DDX5: variants seen among roughly 807,000 people sequenced by gnomAD.
DDX5 encodes the protein probable ATP-dependent RNA helicase DDX5.
Under a neutral mutation model 68.6 loss-of-function variants are expected in DDX5, and 6 were observed. That is an observed-to-expected ratio of 0.09 (90% CI 0.05 to 0.17). DDX5 has a LOEUF of 0.17. DDX5 is among the 10% of genes least tolerant of loss of function. DDX5 has a pLI of 1.00. For synonymous variants in DDX5, 350 were observed against 247.0 expected, an observed-to-expected ratio of 1.42 and a Z score of -3.91; for missense variants, 499 against 756.1, an observed-to-expected ratio of 0.66 and a Z score of 3.99.
intron 9 of DDX5, 27 bp from the exon 10 acceptor site, chr17:64,502,250 T>C (rs1555671228): frequency 1.2e-6 from 2 of 1,603,288 alleles, no homozygotes; most frequent in South Asian, 2.2e-5. Flanking sequence ...GTTGTGTTAT[T>C]AAACTCACAT....
rs1555671293 is a variant in DDX5, at chr17:64,502,463, A to G, written c.1070T>C (p.Leu357Pro). 1 of 1,613,534 alleles carries G rather than the reference A, an allele frequency of 6.2e-7. No homozygotes were observed. The change falls in exon 9 of 13, where the codon CTT becomes CCT. Residue 357 changes from leucine (L) to proline (P), a missense_variant. Around this residue, in one of 5 missense-constraint regions of DDX5, gnomAD observed 26 missense variants for 128.2 expected, o/e 0.20. Coordinates refer to ENST00000225792, the MANE Select transcript of DDX5 (RefSeq NM_004396.5). ...CCCATCTCTCCTCATTTTTCTGGTA[A>G]GCTCATCACATCTTCTTTTGGTTTC... ...FVETKRRCDE[L>P]TRKMRRDGWP...
chr17:64,498,326 T>C lies in DDX5; in HGVS notation c.*1597A>G, dbSNP rs954431959. On this transcript the variant is annotated 3_prime_UTR_variant, in exon 13 of 13. Transcript: ENST00000225792. Reference sequence around the variant, plus strand: ...ACAACACACATGCTAAAAAGTGGACTGTCTTTTAAAACTTCCAAGGTAAAT... The same window carrying C: ...ACAACACACATGCTAAAAAGTGGACCGTCTTTTAAAACTTCCAAGGTAAAT... Among the ~76,000 whole-genome samples the C allele has an allele frequency of 6.6e-6, 1 of 152,078 alleles. No individual in the cohort carries two copies. Among genetic ancestry groups the C allele is most frequent in the African/African-American group, 2.4e-5 (1 of 41,388 alleles).
chr17:64,506,424 C>T (rs963924234), upstream of DDX5: 6 of 1,375,456 alleles, frequency 4.4e-6, no homozygotes, highest in Non-Finnish European at 3.8e-6. Flanking sequence ...GTTCCAGGAT[C>T]GCCGCGCTTT....
At chr17:64,505,705 A>G (rs782633608) in intron 1 of DDX5, 75 of 1,531,178 alleles carry the variant, frequency 4.9e-5, no homozygotes, top group Non-Finnish European at 6.0e-5. Flanking sequence ...GCTCCCACAG[A>G]ATGCCCGGCC....
chr17:64,504,459 C>G, intron 2 of DDX5, 141 bp from the exon 3 acceptor site: 3 of 911,970 alleles, frequency 3.3e-6, no homozygotes, highest in South Asian at 3.5e-5. Context: ...TATGAACACC[C>G]TATTATGAAA....
chr17:64,504,547 T>A, intron 2 of DDX5, 130 bp downstream of exon 2: 1 of 1,184,288 alleles, frequency 8.4e-7, no homozygotes, highest in Non-Finnish European at 1.2e-6. Flanking sequence ...GAGTCACACC[T>A]TTCCCAATTA....
At chr17:64,505,454 G>A (rs538536569) in intron 1 of DDX5, 12 of 567,000 alleles carry the variant, frequency 2.1e-5, no homozygotes, top group South Asian at 1.8e-4. Context: ...GAGGAGTCCC[G>A]GCCCGGGCGG....
rs564900149 is a variant in DDX5 at position 64,499,145 on chromosome 17, G to A, written c.*778C>T. ...AAAGGGCTAATGTATGTCTTTCACA[G>A]GTTTGTTCAACATTTCAGTAATTCA... On this transcript the variant is annotated 3_prime_UTR_variant, in exon 13 of 13. Coordinates refer to ENST00000225792, the MANE Select transcript of DDX5 (RefSeq NM_004396.5). 1.3e-5 allele frequency among the ~76,000 whole-genome samples: 2 copies of A among 152,178 alleles called. No individual in the cohort carries two copies. The highest frequency in any genetic ancestry group is 4.8e-5 in the African/African-American group (2 of 41,432).
At chr17:64,506,033 T>TTCCCC in intron 1 of DDX5, 43 bp downstream of exon 1, 1 of 465,856 alleles carries the variant, frequency 2.1e-6, no homozygotes, top group Non-Finnish European at 3.0e-6. Context: ...CGCCCTCCCA[T>TTCCCC]CCCCCCACCC....
chr17:64,503,930 C>T (rs1555671589), intron 4 of DDX5, 53 bp downstream of exon 4: 4 of 1,613,470 alleles, frequency 2.5e-6, no homozygotes, highest in Non-Finnish European at 1.7e-6. Flanking sequence ...TTTAAATTAC[C>T]ATTACATTTT....
At chr17:64,503,904 C>A in intron 4 of DDX5, 36 bp from the exon 5 acceptor site, 1 of 1,613,578 alleles carries the variant, frequency 6.2e-7, no homozygotes, top group Non-Finnish European at 8.5e-7. Flanking sequence ...ACAGAAATCA[C>A]ATTAAAATAC....
rs2038215093 is a variant in DDX5, at chr17:64,498,672, GAA to G, written c.*1249_*1250del. 1.3e-5 allele frequency among the ~76,000 whole-genome samples: 2 copies of G among 151,844 alleles called. No homozygotes were observed. The highest frequency in any genetic ancestry group is 1.5e-5 in the Non-Finnish European group (1 of 67,994). On this transcript the variant is annotated 3_prime_UTR_variant, in exon 13 of 13. Coordinates refer to ENST00000225792, the MANE Select transcript of DDX5 (RefSeq NM_004396.5). ...TCAGTTTAATAATCAGAATTTAAATGAAGTCTCCTGAAGACCTCTCTTCTGGC... is the reference window on the plus strand; with the variant it reads ...TCAGTTTAATAATCAGAATTTAAATGGTCTCCTGAAGACCTCTCTTCTGGC...
intron 11 of DDX5, chr17:64,501,555 T>C (rs2038297550): frequency 5.9e-6 from 1 of 168,788 alleles, no homozygotes; most frequent in South Asian, 1.5e-4. Flanking sequence ...CATTGAAGTT[T>C]GGAACTACTT....
At chr17:64,506,035 C>G in intron 1 of DDX5, 41 bp downstream of exon 1, 2 of 1,300,212 alleles carry the variant, frequency 1.5e-6, no homozygotes, top group East Asian at 2.8e-5. Context: ...CCCTCCCATC[C>G]CCCCACCCGC....
chr17:64,503,371 AACT>A (rs781982288), intron 6 of DDX5, 23 bp from the exon 7 acceptor site: 2 of 1,614,140 alleles, frequency 1.2e-6, no homozygotes, highest in Non-Finnish European at 1.7e-6. Context: ...ACGTAAGTGT[AACT>A]ACAATACCTA....
In DDX5 at chr17:64,506,241, G is replaced by A. The variant is rs1555672635; in HGVS notation, c.-122C>T. 2.6e-5 allele frequency: 41 copies of A among 1,549,528 alleles called. No homozygotes were observed. Among genetic ancestry groups the A allele is most frequent in the Non-Finnish European group, 2.8e-5 (32 of 1,147,654 alleles). ...GCGGCAGCGGAGGAAGGACACCGAT[G>A]ACACCAGCCGAAGCTGCACTACTAG... On this transcript the variant is annotated 5_prime_UTR_variant, in exon 1 of 13. Transcript: ENST00000225792.
At position 64,506,230 on chromosome 17, in the gene DDX5, A is replaced by G. The variant is rs2038513436; in HGVS notation, c.-111T>C. The G allele has an allele frequency of 1.3e-6, 2 of 1,554,160 alleles. No individual in the cohort carries two copies. Among genetic ancestry groups the G allele is most frequent in the Middle Eastern group, 1.7e-4 (1 of 5,984 alleles). ...GCCTTGCGGGGGCGGCAGCGGAGGA[A>G]GGACACCGATGACACCAGCCGAAGC... is the stretch of plus-strand genomic sequence containing the variant. On this transcript the variant is annotated 5_prime_UTR_variant, in exon 1 of 13. Coordinates refer to ENST00000225792, the MANE Select transcript of DDX5 (RefSeq NM_004396.5).
In DDX5 at chr17:64,500,247, G is replaced by T. The variant is rs782704842; in HGVS notation, c.1521C>A (p.Thr507=). ...YSAGKRGGFN[T]FRDRENYDRG... ...TGTCATAATTTTCCCTGTCTCTAAAGGTATTAAATCCACCCCTTTTGCCCG... is the reference window on the plus strand; with the variant it reads ...TGTCATAATTTTCCCTGTCTCTAAATGTATTAAATCCACCCCTTTTGCCCG... Residue 507 remains threonine, a synonymous_variant, in exon 13 of 13, where the codon ACC becomes ACA. Coordinates refer to ENST00000225792, the MANE Select transcript of DDX5 (RefSeq NM_004396.5). 1 of 1,614,124 alleles carries T rather than the reference G, an allele frequency of 6.2e-7. No individual in the cohort carries two copies. Among genetic ancestry groups the T allele is most frequent in the Non-Finnish European group, 8.5e-7 (1 of 1,180,018 alleles).
Position 64,506,264 on chromosome 17 carries a change from T to G in DDX5, c.-145A>C, listed in dbSNP as rs554113724. On this transcript the variant is annotated 5_prime_UTR_variant, in exon 1 of 13. Coordinates refer to ENST00000225792, the MANE Select transcript of DDX5 (RefSeq NM_004396.5). Reference sequence around the variant, plus strand: ...ATGACACCAGCCGAAGCTGCACTACTAGAGACCGGTAGAAATGAATGAGGT... The same window carrying G: ...ATGACACCAGCCGAAGCTGCACTACGAGAGACCGGTAGAAATGAATGAGGT... The G allele has an allele frequency of 6.5e-7, 1 of 1,539,210 alleles. No individual in the cohort carries two copies. Among genetic ancestry groups the G allele is most frequent in the South Asian group, 1.2e-5 (1 of 83,724 alleles).
Sources: gnomAD v4.1 joint callset for allele counts (sites outside exome capture counted in the v4.1 genomes callset) on GRCh38, gnomAD v4.1.1 for gene constraint, gnomAD v4.1.1 regional missense constraint, MANE v1.5 for transcripts, NCBI Gene and HGNC (gene_info 2026-07-23, HGNC 2026-07-21) for gene names.